The following VAV2 variants were observed in gnomAD, a reference collection of about 807,000 sequenced individuals.
VAV2 encodes guanine nucleotide exchange factor VAV2.
VAV2 carries 67 observed loss-of-function variants against 132.5 expected under a neutral mutation model. The observed-to-expected ratio is 0.51, with a 90% CI of 0.42 to 0.62. The LOEUF is 0.62. Among genes scored for constraint, VAV2 ranks in the 20% least tolerant of loss-of-function variants. The probability of loss-of-function intolerance (pLI) is 0.00; values close to 1 mark genes in which losing one functional copy is unlikely to be tolerated. For missense variants in VAV2, 938 were observed against 1,153.6 expected (o/e 0.81, Z 2.71); for synonymous variants, 492 against 443.5 (o/e 1.11, Z -1.37).
In VAV2 at chr9:133,794,604, AG is replaced by A. The variant is rs987041151; in HGVS notation, c.1101+1063del. 6.6e-6 allele frequency among the ~76,000 whole-genome samples: 1 copy of A among 152,150 alleles called. No homozygotes were observed. The highest frequency in any genetic ancestry group is 6.5e-5 in the Admixed American group (1 of 15,288). ...GAAAGGAAAAGGGGGCCCAAAGCCC[AG>A]GGGGGCTGCCCAGAGGGCAGGGGCC... On this transcript the variant is annotated intron_variant, in intron 12 of 29. Transcript: ENST00000371850. The surrounding 1 kb of genome is among the most constrained non-coding windows in gnomAD (Gnocchi z 4.6).
In VAV2 at chr9:133,823,445, C is replaced by G. The variant is rs942642891; in HGVS notation, c.449+10827G>C. On this transcript the variant is annotated intron_variant, in intron 4 of 29. Coordinates refer to ENST00000371850, the MANE Select transcript of VAV2 (RefSeq NM_001134398.2). This position sits in a 1 kb window ranked among gnomAD's most constrained non-coding sequence, Gnocchi z 5.5. ...AGATACTACGTACGTGATGGGACTT[C>G]TACAATAAAACCCAGCATGTGACGC... Among the ~76,000 whole-genome samples the G allele has an allele frequency of 6.6e-6, 1 of 152,166 alleles. No individual in the cohort carries two copies. The highest frequency in any genetic ancestry group is 2.4e-5 in the African/African-American group (1 of 41,444).
intron 10 of VAV2, 38 bp downstream of exon 10, chr9:133,797,672 T>TGGAGCC (rs779315938): frequency 1.9e-6 from 3 of 1,589,424 alleles, no homozygotes; most frequent in Non-Finnish European, 2.6e-6. Flanking sequence ...GCTGCAACCT[T>TGGAGCC]GGAGCCAGGG....
At chr9:133,821,808 G>A (rs988423937) in intron 4 of VAV2, among the ~76,000 whole-genome samples, 16 of 152,316 alleles carry the variant, frequency 1.1e-4, no homozygotes, top group African/African-American at 3.1e-4. Context: ...AAGCCCAGAC[G>A]TGAATGGGCC....
At chr9:133,909,783 T>C (rs897864834) in intron 2 of VAV2, among the ~76,000 whole-genome samples, 1 of 152,202 alleles carries the variant, frequency 6.6e-6, no homozygotes, top group Non-Finnish European at 1.5e-5. Flanking sequence ...CTGAGGATTG[T>C]ATTAATATTT....
intron 1 of VAV2, among the ~76,000 whole-genome samples, chr9:133,965,795 T>C (rs888465888): frequency 1.3e-5 from 2 of 152,022 alleles, no homozygotes; most frequent in Non-Finnish European, 2.9e-5. Flanking sequence ...AAAATACATA[T>C]TGAAAACACA....
chr9:133,918,274 C>G lies in VAV2; in HGVS notation c.321+20829G>C, dbSNP rs641803. Among the ~76,000 whole-genome samples, 79,598 of 151,942 alleles carry G rather than the reference C, an allele frequency of 0.52. 22,219 individuals carry two copies. Among genetic ancestry groups the G allele is most frequent in the East Asian group, 0.79 (4,058 of 5,140 alleles). On this transcript the variant is annotated intron_variant, in intron 2 of 29. Transcript: ENST00000371850. The surrounding 1 kb of genome is among the most constrained non-coding windows in gnomAD (Gnocchi z 4.7). ...AACTATTTTTAAACAAAGGAGCGCA[C>G]TCTCTGCGGCGGCAGAAAAGCGAAC... is the stretch of plus-strand genomic sequence containing the variant.
chr9:133,834,601 C>T lies in VAV2; in HGVS notation c.381-261G>A, dbSNP rs1196530025. On this transcript the variant is annotated intron_variant, in intron 3 of 29. Transcript: ENST00000371850. The surrounding 1 kb of genome is among the most constrained non-coding windows in gnomAD (Gnocchi z 5.9). ...CACGCCCACTCCGGGCTCCGGGTGT[C>T]CAGTGGGAAGACGAGAGGCCCAGGT... 6.6e-6 allele frequency among the ~76,000 whole-genome samples: 1 copy of T among 152,236 alleles called. No homozygotes were observed. Among genetic ancestry groups the T allele is most frequent in the African/African-American group, 2.4e-5 (1 of 41,470 alleles).
In VAV2 at chr9:133,833,076, C is replaced by G. The variant is rs1261296926; in HGVS notation, c.449+1196G>C. On this transcript the variant is annotated intron_variant, in intron 4 of 29. Coordinates refer to ENST00000371850, the MANE Select transcript of VAV2 (RefSeq NM_001134398.2). This position sits in a 1 kb window ranked among gnomAD's most constrained non-coding sequence, Gnocchi z 5.6. ...GATTTGCCAAGGACCCCGTGGCCAG[C>G]CCAGCATCAAAGGGATGGGCTGGTG... Among the ~76,000 whole-genome samples the G allele has an allele frequency of 1.3e-5, 2 of 152,148 alleles. No individual in the cohort carries two copies. The highest frequency in any genetic ancestry group is 2.9e-5 in the Non-Finnish European group (2 of 68,026).
chr9:133,900,766 G>GATTGATTT (rs1356036135), intron 2 of VAV2, among the ~76,000 whole-genome samples: 7 of 145,602 alleles, frequency 4.8e-5, no homozygotes, highest in African/African-American at 1.8e-4. Context: ...CTCCTGTCTT[G>GATTGATTT]ATTTATTTAT....
chr9:133,890,391 C>T (rs1838885144), intron 2 of VAV2, among the ~76,000 whole-genome samples: 1 of 152,222 alleles, frequency 6.6e-6, no homozygotes, highest in Non-Finnish European at 1.5e-5. Flanking sequence ...CGGACTGCAG[C>T]TTCCCAGCCC....
intron 1 of VAV2, among the ~76,000 whole-genome samples, chr9:133,973,021 G>A (rs955101936): frequency 6.6e-6 from 1 of 152,102 alleles, no homozygotes; most frequent in Non-Finnish European, 1.5e-5. Flanking sequence ...CCGTTGCCTG[G>A]AACACCAACC....
chr9:133,883,175 G>A lies in VAV2; in HGVS notation c.322-21743C>T, dbSNP rs557248592. Among the ~76,000 whole-genome samples the A allele has an allele frequency of 4.6e-5, 7 of 152,304 alleles. No homozygotes were observed. The highest frequency in any genetic ancestry group is 7.2e-5 in the African/African-American group (3 of 41,556). ...AAGTCCCTGAGCCTGCAAAAGACTC[G>A]GCTGTCCCCACACACCACTCCTGGA... On this transcript the variant is annotated intron_variant, in intron 2 of 29. Coordinates refer to ENST00000371850, the MANE Select transcript of VAV2 (RefSeq NM_001134398.2). This position sits in a 1 kb window ranked among gnomAD's most constrained non-coding sequence, Gnocchi z 4.2.
intron 2 of VAV2, among the ~76,000 whole-genome samples, chr9:133,913,777 C>G (rs910324762): frequency 6.6e-6 from 1 of 152,178 alleles, no homozygotes; most frequent in Non-Finnish European, 1.5e-5. Context: ...CAGTGAGCCT[C>G]GGGGCCGGCT....
At chr9:133,832,204 CCCAGAGACCCAACAGA>C (rs1836290072) in intron 4 of VAV2, among the ~76,000 whole-genome samples, 1 of 152,222 alleles carries the variant, frequency 6.6e-6, no homozygotes, top group Non-Finnish European at 1.5e-5. Flanking sequence ...CCTTGGGCAG[CCCAGAGACCCAACAGA>C]GGCATGGGTG....
intron 7 of VAV2, 50 bp from the exon 8 acceptor site, chr9:133,807,376 C>A: frequency 6.5e-7 from 1 of 1,538,706 alleles, no homozygotes. Flanking sequence ...TGCCCACCCT[C>A]TCAAGGTCAC....
At chr9:133,872,693 G>GC (rs767794873) in intron 2 of VAV2, among the ~76,000 whole-genome samples, 6 of 151,954 alleles carry the variant, frequency 3.9e-5, no homozygotes, top group African/African-American at 1.2e-4. Context: ...TGGAGCACAG[G>GC]AGGAGGCGTA....
intron 3 of VAV2, among the ~76,000 whole-genome samples, chr9:133,851,955 G>T (rs1368079616): frequency 6.6e-6 from 1 of 150,764 alleles, no homozygotes; most frequent in Non-Finnish European, 1.5e-5. Flanking sequence ...ATGGATACAT[G>T]GATGTATGGA....
chr9:133,974,286 C>T (rs1842435542), intron 1 of VAV2, among the ~76,000 whole-genome samples: 1 of 152,144 alleles, frequency 6.6e-6, no homozygotes, highest in Non-Finnish European at 1.5e-5. Context: ...ATACCCAGGC[C>T]CACCACAACT....
intron 4 of VAV2, among the ~76,000 whole-genome samples, chr9:133,816,232 T>A (rs1835554405): frequency 6.6e-6 from 1 of 152,236 alleles, no homozygotes; most frequent in East Asian, 1.9e-4. Context: ...TGGATACTAG[T>A]CAGATATGTT....
Sources: gnomAD v4.1 joint callset for allele counts (sites outside exome capture counted in the v4.1 genomes callset) on GRCh38, gnomAD v4.1.1 for gene constraint, Gnocchi (gnomAD v3.1) non-coding constraint, MANE v1.5 for transcripts, NCBI Gene and HGNC (gene_info 2026-07-23, HGNC 2026-07-21) for gene names.